NTSR2: variants seen among roughly 807,000 people sequenced by gnomAD.
The protein encoded by NTSR2 is neurotensin receptor type 2.
A neutral mutation model predicts 24.1 loss-of-function variants in NTSR2; 22 were observed. The observed-to-expected ratio is 0.91, with a 90% CI of 0.65 to 1.30. The LOEUF (loss-of-function observed/expected upper bound fraction) is 1.30, where lower values mean the gene tolerates loss of function less well. NTSR2 is among the 50% of genes most tolerant of loss of function. NTSR2 has a pLI of 0.00. For missense variants in NTSR2, 570 were observed against 570.4 expected (o/e 1.00, Z 0.01); for synonymous variants, 291 against 267.0 (o/e 1.09, Z -0.88).
rs1477693924 is a variant in NTSR2 at position 11,669,931 on chromosome 2, G to C, written c.199C>G (p.Arg67Gly). 6.6e-7 allele frequency: 1 copy of C among 1,524,682 alleles called. No individual in the cohort carries two copies. The highest frequency in any genetic ancestry group is 1.2e-5 in the South Asian group (1 of 81,910). 94.4% of individuals were successfully genotyped at this position (1,524,682 alleles called of 1,614,324 possible). The change falls in exon 1 of 4, where the codon CGC becomes GGC. Residue 67 changes from arginine (R) to glycine (G), a missense_variant. Transcript: ENST00000306928. Reference protein sequence around the residue: ...VLKARAGRAGRLRHHVLSLAL... With the variant: ...VLKARAGRAGGLRHHVLSLAL... ...AGGCTGAGCACGTGGTGGCGCAGGC[G>C]CCCCGCGCGCCCGGCCCGCGCCTTC...
At chr2:11,669,459 C>CGGGGGCGGG in intron 1 of NTSR2, 47 bp downstream of exon 1, 4 of 337,896 alleles carry the variant, frequency 1.2e-5, no homozygotes, top group East Asian at 4.3e-5. Flanking sequence ...CTCCCAGCAC[C>CGGGGGCGGG]GCCCCCCCAC....
Position 11,662,044 on chromosome 2 carries a change from T to G in NTSR2, c.821A>C (p.Gln274Pro). The G allele has an allele frequency of 6.2e-7, 1 of 1,613,528 alleles. No homozygotes were observed. The highest frequency in any genetic ancestry group is 1.7e-5 in the Admixed American group (1 of 59,990). The change falls in exon 2 of 4, where the codon CAG becomes CCG. Residue 274 changes from glutamine to proline, a missense_variant. By Grantham distance (76) the Gln-to-Pro change is moderately conservative. Transcript: ENST00000306928. The stretch of plus-strand genomic sequence containing the variant: ...TCTCACCAGGCTGACCTGGCCTCCC[T>G]GGATAAAGGTCTTCTTCCATACGAT... ...SFIVWKKTFI[Q>P]GGQVSLVRHK...
intron 2 of NTSR2, 131 bp downstream of exon 2, chr2:11,661,836 C>T (rs1661077622): frequency 5.2e-6 from 4 of 775,970 alleles, no homozygotes; most frequent in South Asian, 2.2e-5. Context: ...TATACAGTTC[C>T]CCTGGGGCAT....
chr2:11,664,156 G>A lies in NTSR2; in HGVS notation c.625-1916C>T, dbSNP rs1042265854. ...TTTTTTTTTTTTTTGAGACGAGGTCGCCCAGACTAGAGTGCGGTAGTGCAA... is the reference window on the plus strand; with the variant it reads ...TTTTTTTTTTTTTTGAGACGAGGTCACCCAGACTAGAGTGCGGTAGTGCAA... On this transcript the variant is annotated intron_variant, in intron 1 of 3. Coordinates refer to ENST00000306928, the MANE Select transcript of NTSR2 (RefSeq NM_012344.4). Among the ~76,000 whole-genome samples the A allele has an allele frequency of 4.3e-5, 6 of 140,238 alleles. No homozygotes were observed. The East Asian group carries it at 8.2e-4, about 19-fold the overall frequency. 92.0% of individuals were successfully genotyped at this position (140,238 alleles called of 152,430 possible).
rs1346596391 is a variant in NTSR2 at position 11,662,735 on chromosome 2, CAT to C, written c.625-497_625-496del. ...GGCGGAGCTTGCAGTGAGCCGAGAT[CAT>C]GCCACTGCACTCCAGCCTGGGCAAC... is the stretch of plus-strand genomic sequence containing the variant. On this transcript the variant is annotated intron_variant, in intron 1 of 3. Coordinates refer to ENST00000306928, the MANE Select transcript of NTSR2 (RefSeq NM_012344.4). Among the ~76,000 whole-genome samples the C allele has an allele frequency of 4.0e-3, 603 of 152,224 alleles. 4 individuals carry two copies. Among genetic ancestry groups the C allele is most frequent in the African/African-American group, 0.014 (584 of 41,544 alleles).
At position 11,670,015 on chromosome 2, in the gene NTSR2, A is replaced by G. The variant is rs1661300920; in HGVS notation, c.115T>C (p.Tyr39His). 6 of 1,517,620 alleles carry G rather than the reference A, an allele frequency of 4.0e-6. No individual in the cohort carries two copies. The highest frequency in any genetic ancestry group is 5.3e-6 in the Non-Finnish European group (6 of 1,138,344). The allele number at this position is 1,517,620 out of a possible 1,614,324, so 94.0% of individuals were successfully genotyped here. A position where few individuals can be genotyped will look rare whatever the true frequency, so the allele number is the denominator to read the frequency against. ...GCGCCCAGCGCCCAGATGAGTGCGT[A>G]GAGCGCGGTGAACAGCACCTTGGCC... ...LWAKVLFTAL[Y>H]ALIWALGAAG... Residue 39 changes from tyrosine to histidine, a missense_variant, in exon 1 of 4, where the codon TAC becomes CAC. Transcript: ENST00000306928.
chr2:11,670,141 G>A lies in NTSR2; in HGVS notation c.-12C>T, dbSNP rs547323437. ...CTGCTGGTTTCCATCCCGCTCCCGC[G>A]GCCGGCGCTCCCTCCCTCTCACTGC... On this transcript the variant is annotated 5_prime_UTR_variant, in exon 1 of 4. Coordinates refer to ENST00000306928, the MANE Select transcript of NTSR2 (RefSeq NM_012344.4). 5.1e-5 allele frequency: 70 copies of A among 1,365,334 alleles called. No homozygotes were observed. Among genetic ancestry groups the A allele is most frequent in the Non-Finnish European group, 6.2e-5 (66 of 1,067,156 alleles). 84.6% of individuals were successfully genotyped at this position (1,365,334 alleles called of 1,614,324 possible). A position where few individuals can be genotyped will look rare whatever the true frequency, so the allele number is the denominator to read the frequency against.
intron 1 of NTSR2, among the ~76,000 whole-genome samples, chr2:11,665,166 T>C (rs2148487122): frequency 1.3e-5 from 2 of 150,914 alleles, no homozygotes; most frequent in South Asian, 4.2e-4. Context: ...TCCCAGGCAT[T>C]GTGGAAATAC....
At chr2:11,662,327 A>G in intron 1 of NTSR2, 87 bp from the exon 2 acceptor site, 3 of 1,296,376 alleles carry the variant, frequency 2.3e-6, no homozygotes, top group Non-Finnish European at 2.1e-6. Flanking sequence ...CGGAATCTGC[A>G]TCAGCAGAAG....
rs1553393598 is a variant in NTSR2 at position 11,669,950 on chromosome 2, C to T, written c.180G>A (p.Ala60=). The change falls in exon 1 of 4, where the codon GCG becomes GCA. Residue 60 remains alanine (A), a synonymous_variant. Coordinates refer to ENST00000306928, the MANE Select transcript of NTSR2 (RefSeq NM_012344.4). ...GCAGGCGCCCCGCGCGCCCGGCCCG[C>T]GCCTTCAGCACCACGTGCGCGGACA... ...NALSAHVVLK[A]RAGRAGRLRH... 9 of 1,512,130 alleles carry T rather than the reference C, an allele frequency of 6.0e-6. No individual in the cohort carries two copies. In the South Asian group the frequency reaches 1.1e-4, roughly 19 times the overall value. The allele number at this position is 1,512,130 out of a possible 1,614,324, so 93.7% of individuals were successfully genotyped here. A position where few individuals can be genotyped will look rare whatever the true frequency, so the allele number is the denominator to read the frequency against.
At chr2:11,663,891 G>C (rs571871713) in intron 1 of NTSR2, among the ~76,000 whole-genome samples, 2 of 152,316 alleles carry the variant, frequency 1.3e-5, no homozygotes, top group East Asian at 3.9e-4. Context: ...CTCTCAACTA[G>C]AGAAATAGAG....
intron 3 of NTSR2, among the ~76,000 whole-genome samples, chr2:11,658,960 T>C (rs1661002185): frequency 6.6e-6 from 1 of 152,108 alleles, no homozygotes; most frequent in South Asian, 2.1e-4. Flanking sequence ...CTCAAGCAAT[T>C]CTCCTGCCTA....
Position 11,658,287 on chromosome 2 carries a change from C to T in NTSR2, c.*192G>A, listed in dbSNP as rs1660972665. On this transcript the variant is annotated 3_prime_UTR_variant, in exon 4 of 4. Coordinates refer to ENST00000306928, the MANE Select transcript of NTSR2 (RefSeq NM_012344.4). ...GGTGCTGTTCTTTATCTCCACTACA[C>T]AGACGAGGGAGCCTGAGGCTAGGAG... The T allele has an allele frequency of 6.3e-6, 4 of 630,858 alleles. No homozygotes were observed. In the East Asian group the frequency reaches 8.3e-5, roughly 13 times the overall value. 39.1% of individuals were successfully genotyped at this position (630,858 alleles called of 1,614,324 possible).
chr2:11,662,297 A>T, intron 1 of NTSR2, 57 bp from the exon 2 acceptor site: 2 of 1,430,552 alleles, frequency 1.4e-6, no homozygotes, highest in South Asian at 1.7e-5. Flanking sequence ...GGCCCTCGCC[A>T]TCTGGCTGTG....
chr2:11,661,755 G>C (rs1339455861), intron 2 of NTSR2, among the ~76,000 whole-genome samples: 1 of 152,186 alleles, frequency 6.6e-6, no homozygotes, highest in Admixed American at 6.5e-5. Flanking sequence ...GAGCAGATCA[G>C]AGGCTTCATG....
At chr2:11,662,566 G>A (rs1286371212) in intron 1 of NTSR2, among the ~76,000 whole-genome samples, 1 of 152,186 alleles carries the variant, frequency 6.6e-6, no homozygotes, top group African/African-American at 2.4e-5. Context: ...CGGATCACGA[G>A]GTCAGGAGAT....
chr2:11,669,459 C>CGGGGCGGGGGGGGG, intron 1 of NTSR2, 47 bp downstream of exon 1: 7 of 337,892 alleles, frequency 2.1e-5, no homozygotes, highest in East Asian at 4.3e-5. Flanking sequence ...CTCCCAGCAC[C>CGGGGCGGGGGGGGG]GCCCCCCCAC....
intron 2 of NTSR2, among the ~76,000 whole-genome samples, chr2:11,660,979 C>T (rs368805286): frequency 2.0e-5 from 3 of 152,184 alleles, no homozygotes; most frequent in East Asian, 3.8e-4. Flanking sequence ...CTTACCGCCT[C>T]TGTACTGGAC....
intron 1 of NTSR2, 45 bp downstream of exon 1, chr2:11,669,461 C>CGGGGGCGG: frequency 7.2e-6 from 1 of 137,946 alleles, no homozygotes; most frequent in Non-Finnish European, 1.5e-5. Flanking sequence ...CCCAGCACCG[C>CGGGGGCGG]CCCCCCACCC....
Sources: allele counts gnomAD v4.1 joint callset (sites outside exome capture counted in the v4.1 genomes callset), GRCh38; gene constraint gnomAD v4.1.1; transcripts MANE v1.5; gene names NCBI Gene and HGNC (gene_info 2026-07-23, HGNC 2026-07-21).